The following HDAC4 variants were observed in gnomAD, a reference collection of about 807,000 sequenced individuals.
HDAC4 encodes histone deacetylase A.
Under a neutral mutation model 135.1 loss-of-function variants are expected in HDAC4, and 16 were observed. The observed-to-expected ratio is 0.12, with a 90% CI of 0.08 to 0.18. The LOEUF is 0.18. Ranked by LOEUF, HDAC4 falls within the 10% of genes least tolerant of loss-of-function variation. HDAC4 has a pLI of 1.00. For synonymous variants in HDAC4, 685 were observed against 653.4 expected, an observed-to-expected ratio of 1.05 and a Z score of -0.74; for missense variants, 1,143 against 1,511.8, an observed-to-expected ratio of 0.76 and a Z score of 4.05.
At chr2:239,161,847 C>CCGTCTCTCAGCA (rs1192760270) in intron 6 of HDAC4, 1 of 382,506 alleles carries the variant, frequency 2.6e-6, no homozygotes, top group Non-Finnish European at 5.1e-6. Flanking sequence ...CCCCCATCTC[C>CCGTCTCTCAGCA]CGTCTCTCAG....
chr2:239,215,712 C>T (rs1191741505), intron 3 of HDAC4, among the ~76,000 whole-genome samples: 1 of 152,192 alleles, frequency 6.6e-6, no homozygotes, highest in South Asian at 2.1e-4. Flanking sequence ...AGAAACAAGA[C>T]ACAAAAACTT....
chr2:239,184,667 T>C (rs1194319997), intron 4 of HDAC4, among the ~76,000 whole-genome samples: 1 of 120,050 alleles, frequency 8.3e-6, no homozygotes, highest in Admixed American at 9.9e-5. Flanking sequence ...GGTTGTACCC[T>C]ATGGGGGAGG....
intron 5 of HDAC4, among the ~76,000 whole-genome samples, chr2:239,164,255 C>T (rs779081060): frequency 6.6e-6 from 1 of 152,204 alleles, no homozygotes; most frequent in South Asian, 2.1e-4. Context: ...GCAGTGGCAG[C>T]GTGGTGGTTG....
intron 2 of HDAC4, among the ~76,000 whole-genome samples, chr2:239,305,191 G>T (rs1220816028): frequency 6.6e-6 from 1 of 152,228 alleles, no homozygotes; most frequent in East Asian, 1.9e-4. Context: ...CTCATCTGAG[G>T]ATTGCTGCTG....
intron 2 of HDAC4, among the ~76,000 whole-genome samples, chr2:239,322,688 T>G (rs2053353879): frequency 6.6e-6 from 1 of 152,220 alleles, no homozygotes; most frequent in Non-Finnish European, 1.5e-5. Flanking sequence ...GTGTCTTGAC[T>G]GGCTGAGTGC....
chr2:239,091,688 A>C (rs1559408720), intron 17 of HDAC4: 1 of 152,202 alleles, frequency 6.6e-6, no homozygotes, highest in African/African-American at 2.4e-5. Flanking sequence ...CATCAAAGCA[A>C]GGTGAGTTAA....
intron 2 of HDAC4, among the ~76,000 whole-genome samples, chr2:239,325,891 G>A (rs1301365782): frequency 2.0e-5 from 3 of 151,998 alleles, no homozygotes; most frequent in African/African-American, 2.4e-5. Flanking sequence ...CTTGAACCCC[G>A]GGGGACAGAG....
At chr2:239,168,052 C>G (rs2043220113) in intron 5 of HDAC4, among the ~76,000 whole-genome samples, 1 of 152,218 alleles carries the variant, frequency 6.6e-6, no homozygotes, top group South Asian at 2.1e-4. Context: ...GTCCAGACGA[C>G]AGAGCTGTGG....
chr2:239,112,563 G>T (rs1197109427), intron 13 of HDAC4, among the ~76,000 whole-genome samples: 2 of 152,154 alleles, frequency 1.3e-5, no homozygotes, highest in Non-Finnish European at 2.9e-5. Context: ...TGTGGGGGGG[G>T]CACTCAGCCA....
Position 239,313,164 on chromosome 2 carries a change from C to T in HDAC4, c.22+39514G>A, listed in dbSNP as rs190071438. Among the ~76,000 whole-genome samples, 126 of 152,318 alleles carry T rather than the reference C, an allele frequency of 8.3e-4. No homozygotes were observed. Among genetic ancestry groups the T allele is most frequent in the African/African-American group, 2.2e-3 (93 of 41,582 alleles). On this transcript the variant is annotated intron_variant, in intron 2 of 26. Transcript: ENST00000543185. This position sits in a 1 kb window ranked among gnomAD's most constrained non-coding sequence, Gnocchi z 5.1. ...GAGGAAGCTGCAGCCCGTTATCCAC[C>T]GCCCAGTCTCTCCCTCTCACCAGCA...
At chr2:239,372,690 A>G (rs975997713) in intron 1 of HDAC4, among the ~76,000 whole-genome samples, 3 of 152,228 alleles carry the variant, frequency 2.0e-5, no homozygotes, top group Non-Finnish European at 2.9e-5. Context: ...ACACTGCTTC[A>G]TGTTCAGAGC....
chr2:239,220,086 A>G (rs1000113204), intron 3 of HDAC4, among the ~76,000 whole-genome samples: 1 of 152,246 alleles, frequency 6.6e-6, no homozygotes, highest in African/African-American at 2.4e-5. Flanking sequence ...ACAAAAACCA[A>G]TGCCACATAA....
chr2:239,084,846 TAC>T (rs2035759482), intron 19 of HDAC4, among the ~76,000 whole-genome samples: 1 of 146,052 alleles, frequency 6.8e-6, no homozygotes, highest in Non-Finnish European at 1.5e-5. Flanking sequence ...GCAAACGCCC[TAC>T]ACACATATAT....
chr2:239,115,191 C>T lies in HDAC4; in HGVS notation c.1653G>A (p.Gly551=), dbSNP rs1559456270. The T allele has an allele frequency of 6.2e-7, 1 of 1,611,080 alleles. No homozygotes were observed. Among genetic ancestry groups the T allele is most frequent in the Admixed American group, 1.7e-5 (1 of 60,020 alleles). The change falls in exon 13 of 27, where the codon GGG becomes GGA. Residue 551 remains glycine, a synonymous_variant. Coordinates refer to ENST00000543185, the MANE Select transcript of HDAC4 (RefSeq NM_001378414.1). The surrounding 1 kb of genome is among the most constrained non-coding windows in gnomAD (Gnocchi z 6.3). The part of the protein sequence containing the change: ...LDEPYLDRLP[G]QKEAHAQAGV... ...CGGCCTGTGCGTGCGCCTCCTTCTG[C>T]CCCGGCAGCCGGTCCAGGTAGGGCT...
At chr2:239,205,820 G>C (rs1307209109) in intron 3 of HDAC4, among the ~76,000 whole-genome samples, 4 of 152,162 alleles carry the variant, frequency 2.6e-5, no homozygotes, top group Non-Finnish European at 4.4e-5. Context: ...GAGGTGAATG[G>C]GGAAGGGGTG....
chr2:239,121,101 G>A (rs2039648055), intron 12 of HDAC4, among the ~76,000 whole-genome samples: 5 of 151,856 alleles, frequency 3.3e-5, no homozygotes, highest in Admixed American at 3.3e-4. Flanking sequence ...AGTAGCTGGG[G>A]AGTACAAGCA....
intron 6 of HDAC4, among the ~76,000 whole-genome samples, chr2:239,159,174 GC>G (rs769533584): frequency 7.1e-5 from 10 of 140,726 alleles, no homozygotes; most frequent in East Asian, 4.4e-4. Flanking sequence ...ACTACTACTC[GC>G]CCCCAATTCA....
In HDAC4 at chr2:239,258,315, G is replaced by A. The variant is rs534230584; in HGVS notation, c.23-21651C>T. ...AGACACAGGAAAGGAGACACTGAAC[G>A]GGTCAAAAGCACGTCTGAAAGGACC... On this transcript the variant is annotated intron_variant, in intron 2 of 26. Transcript: ENST00000543185. 1.5e-3 allele frequency among the ~76,000 whole-genome samples: 230 copies of A among 151,648 alleles called. 2 individuals are homozygous for A. Among genetic ancestry groups the A allele is most frequent in the African/African-American group, 5.2e-3 (216 of 41,314 alleles).
chr2:239,252,987 C>T (rs1426252254), intron 2 of HDAC4, among the ~76,000 whole-genome samples: 2 of 152,236 alleles, frequency 1.3e-5, no homozygotes, highest in Admixed American at 1.3e-4. Flanking sequence ...GCCCGCACTG[C>T]ACACTTCCTA....
Sources: gnomAD v4.1 joint callset for allele counts (sites outside exome capture counted in the v4.1 genomes callset) on GRCh38, gnomAD v4.1.1 for gene constraint, Gnocchi (gnomAD v3.1) non-coding constraint, MANE v1.5 for transcripts, NCBI Gene and HGNC (gene_info 2026-07-23, HGNC 2026-07-21) for gene names.